The following GPC3 variants were observed in gnomAD, a reference collection of about 807,000 sequenced individuals.
GPC3 encodes the protein glypican 3, also known as glypican-3.
A neutral mutation model predicts 34.4 loss-of-function variants in GPC3; 3 were observed. The ratio of observed to expected loss-of-function variants is 0.09; its 90% CI spans 0.04 to 0.23. GPC3 has a LOEUF of 0.23. Ranked by LOEUF, GPC3 falls within the 10% of genes least tolerant of loss-of-function variation. The pLI is 1.00. For synonymous variants in GPC3, 177 were observed against 174.0 expected (o/e 1.02, Z -0.13); for missense variants, 351 against 445.6 (o/e 0.79, Z 1.91).
chrX:133,730,285 C>T (rs759355099), intron 3 of GPC3, among the ~76,000 whole-genome samples: 6 of 112,114 alleles, frequency 5.4e-5, no homozygotes, highest in African/African-American at 1.6e-4. Context: ...CCAACAGATA[C>T]CTTTTGTTCC....
Position 133,865,213 on chromosome X carries a change from GCA to G in GPC3, c.337+87835_337+87836del, listed in dbSNP as rs772548684. ...TCATCAAAAATTCAAGCCTATCACT[GCA>G]ACCATAGTTTCTAAAAGGGAATAAC... On this transcript the variant is annotated intron_variant, in intron 2 of 7. Coordinates refer to ENST00000370818, the MANE Select transcript of GPC3 (RefSeq NM_004484.4). 4.5e-5 allele frequency among the ~76,000 whole-genome samples: 5 copies of G among 111,997 alleles called. No homozygotes were observed. In the South Asian group the frequency reaches 1.9e-3, roughly 42 times the overall value.
intron 2 of GPC3, among the ~76,000 whole-genome samples, chrX:133,788,967 A>C (rs755285031): frequency 9.0e-6 from 1 of 110,750 alleles, no homozygotes; most frequent in Non-Finnish European, 1.9e-5. Flanking sequence ...GATATCACCA[A>C]GGAAGGCTGA....
chrX:133,793,543 C>T (rs2072190015), intron 2 of GPC3, among the ~76,000 whole-genome samples: 1 of 111,418 alleles, frequency 9.0e-6, no homozygotes, highest in Non-Finnish European at 1.9e-5. Context: ...TCCTAAGTCA[C>T]CAAACCCAGA....
chrX:133,537,082 A>G (rs1477464358), intron 7 of GPC3, among the ~76,000 whole-genome samples: 2 of 111,817 alleles, frequency 1.8e-5, no homozygotes, highest in Non-Finnish European at 3.8e-5. Flanking sequence ...TCAGGGTGTT[A>G]TTTAGCTTGT....
chrX:133,657,831 T>A (rs1028264462), intron 6 of GPC3, among the ~76,000 whole-genome samples: 12 of 109,792 alleles, frequency 1.1e-4, no homozygotes, highest in Non-Finnish European at 2.1e-4. Flanking sequence ...TGAAAAGCTA[T>A]TTTGGGATGT....
chrX:133,668,562 T>G (rs1380791406), intron 5 of GPC3, among the ~76,000 whole-genome samples: 1 of 110,950 alleles, frequency 9.0e-6, no homozygotes, highest in Non-Finnish European at 1.9e-5. Flanking sequence ...TTTTTTTTTT[T>G]TTAAATCACC....
chrX:133,926,853 T>C (rs935797297), intron 2 of GPC3, among the ~76,000 whole-genome samples: 1 of 103,116 alleles, frequency 9.7e-6, no homozygotes, highest in African/African-American at 3.6e-5. Context: ...GATTCAGGTC[T>C]TTTGTTTGAG....
At chrX:133,671,125 G>A (rs909671645) in intron 5 of GPC3, 4 of 958,954 alleles carry the variant, frequency 4.2e-6, no homozygotes, top group South Asian at 3.8e-5. Context: ...TAGCCAAAAT[G>A]TACAAGACCA....
At chrX:133,869,723 A>G (rs2075985388) in intron 2 of GPC3, among the ~76,000 whole-genome samples, 1 of 111,989 alleles carries the variant, frequency 8.9e-6, no homozygotes, top group Non-Finnish European at 1.9e-5. Context: ...CGAGGCCGGC[A>G]CATCACGAGG....
At position 133,645,334 on chromosome X, in the gene GPC3, G is replaced by A. The variant is rs375979049; in HGVS notation, c.1413+16396C>T. Reference sequence around the variant, plus strand: ...TTTGGCTCCCCATAGCATTCACCTGGCGATTGTTTGCCGTTGTCTACCATA... The same window carrying A: ...TTTGGCTCCCCATAGCATTCACCTGACGATTGTTTGCCGTTGTCTACCATA... On this transcript the variant is annotated intron_variant, in intron 6 of 7. Transcript: ENST00000370818. Among the ~76,000 whole-genome samples the A allele has an allele frequency of 4.5e-5, 5 of 111,417 alleles. No individual in the cohort carries two copies. The Admixed American group carries it at 4.8e-4, about 11-fold the overall frequency.
chrX:133,595,894 A>C lies in GPC3; in HGVS notation c.1573+546T>G, dbSNP rs964615494. On this transcript the variant is annotated intron_variant, in intron 7 of 7. Transcript: ENST00000370818. ...CTGCTTGTGAGAAAACAAAATAGAC[A>C]TAACGTCCTAAGAAAAGAAGGTCAG... is the stretch of plus-strand genomic sequence containing the variant. 3.6e-5 allele frequency among the ~76,000 whole-genome samples: 4 copies of C among 112,079 alleles called. No individual in the cohort carries two copies. The East Asian group carries it at 1.1e-3, about 31-fold the overall frequency.
At chrX:133,848,182 C>G (rs1467358614) in intron 2 of GPC3, among the ~76,000 whole-genome samples, 2 of 112,066 alleles carry the variant, frequency 1.8e-5, no homozygotes, top group Admixed American at 9.4e-5. Context: ...AAAATTAGTT[C>G]AGACTCAAAC....
At chrX:133,748,276 G>A (rs1007984305) in intron 3 of GPC3, among the ~76,000 whole-genome samples, 1 of 112,225 alleles carries the variant, frequency 8.9e-6, no homozygotes, top group Non-Finnish European at 1.9e-5. Context: ...GCACTCAGCA[G>A]TTTGGGTGTA....
intron 2 of GPC3, among the ~76,000 whole-genome samples, chrX:133,935,103 C>T (rs1400688060): frequency 2.7e-5 from 3 of 111,912 alleles, no homozygotes; most frequent in African/African-American, 9.7e-5. Flanking sequence ...ACACTTCCTT[C>T]CTACTAGTGA....
At chrX:133,984,015 C>T (rs971387600) in intron 1 of GPC3, among the ~76,000 whole-genome samples, 1 of 113,318 alleles carries the variant, frequency 8.8e-6, no homozygotes, top group African/African-American at 3.2e-5. Context: ...GGCGCGCTGG[C>T]TGCCTAGGTA....
At chrX:133,984,871 G>A (rs1369117274) in intron 1 of GPC3, among the ~76,000 whole-genome samples, 2 of 110,250 alleles carry the variant, frequency 1.8e-5, no homozygotes, top group Non-Finnish European at 3.8e-5. Context: ...CTGTGGTCCA[G>A]CTAAGGCTGA....
chrX:133,790,732 A>AT (rs1381279006), intron 2 of GPC3, among the ~76,000 whole-genome samples: 1 of 111,526 alleles, frequency 9.0e-6, no homozygotes, highest in Admixed American at 9.6e-5. Context: ...ATGATAATAG[A>AT]TTTTAGAAAG....
At position 133,553,402 on chromosome X, in the gene GPC3, T is replaced by C. The variant is rs1390501302; in HGVS notation, c.1574-17109A>G. 6.2e-5 allele frequency among the ~76,000 whole-genome samples: 7 copies of C among 112,084 alleles called. 2 individuals carry two copies. In the Admixed American group the frequency reaches 6.6e-4, roughly 11 times the overall value. ...CAACAACAACTAAAACAGGTATAAA[T>C]TGAGGCTTTATAGCCTGGCATCCTA... On this transcript the variant is annotated intron_variant, in intron 7 of 7. Transcript: ENST00000370818.
chrX:133,823,337 G>A (rs908736614), intron 2 of GPC3, among the ~76,000 whole-genome samples: 20 of 109,118 alleles, frequency 1.8e-4, no homozygotes, highest in South Asian at 4.0e-4. Context: ...CAGAAATGAA[G>A]ATGAAATTAA....
Sources: allele counts gnomAD v4.1 joint callset (sites outside exome capture counted in the v4.1 genomes callset), GRCh38; gene constraint gnomAD v4.1.1; transcripts MANE v1.5; gene names NCBI Gene and HGNC (gene_info 2026-07-23, HGNC 2026-07-21).